The following TRDN variants were observed in gnomAD, a reference collection of about 807,000 sequenced individuals.
The protein encoded by TRDN is triadin, also known as triadin in skeletal muscle.
In TRDN, 161 loss-of-function variants were observed where a neutral mutation model predicts 149.7. The observed-to-expected ratio is 1.08, with a 90% CI of 0.95 to 1.23. The LOEUF (loss-of-function observed/expected upper bound fraction) is 1.23. Ranked by LOEUF, TRDN falls within the 50% of genes most tolerant of loss-of-function variation. TRDN has a pLI of 0.00. For missense variants in TRDN, 896 were observed against 823.5 expected (o/e 1.09, Z -1.08); for synonymous variants, 294 against 250.5 (o/e 1.17, Z -1.64).
intron 12 of TRDN, among the ~76,000 whole-genome samples, chr6:123,431,163 G>T (rs74435119): frequency 6.6e-5 from 10 of 152,182 alleles, no homozygotes; most frequent in Non-Finnish European, 1.3e-4. Context: ...TCATCTGAAC[G>T]CAGATTTACA....
chr6:123,325,594 A>G (rs1779414708), intron 23 of TRDN, among the ~76,000 whole-genome samples: 3 of 152,102 alleles, frequency 2.0e-5, no homozygotes, highest in Admixed American at 2.0e-4. Flanking sequence ...TATCAGTTTC[A>G]AAAGACAAAA....
At chr6:123,601,034 C>T (rs907578192) in intron 1 of TRDN, among the ~76,000 whole-genome samples, 13 of 151,942 alleles carry the variant, frequency 8.6e-5, no homozygotes, top group African/African-American at 9.7e-5. Flanking sequence ...CTACCTAATT[C>T]CTTATTTTTT....
chr6:123,416,618 T>C (rs933839781), intron 12 of TRDN, among the ~76,000 whole-genome samples: 1 of 152,204 alleles, frequency 6.6e-6, no homozygotes, highest in Non-Finnish European at 1.5e-5. Context: ...ACATGCCCTT[T>C]ATGATTTGTC....
intron 2 of TRDN, among the ~76,000 whole-genome samples, chr6:123,559,008 C>T (rs894078332): frequency 5.3e-5 from 8 of 152,300 alleles, no homozygotes; most frequent in East Asian, 1.9e-4. Flanking sequence ...CACTGGAAAT[C>T]GGACTCACCC....
intron 1 of TRDN, among the ~76,000 whole-genome samples, chr6:123,628,859 T>C (rs1785814229): frequency 6.6e-6 from 1 of 152,092 alleles, no homozygotes; most frequent in Admixed American, 6.6e-5. Context: ...TGGCATGACA[T>C]ACTGCTTCAT....
At chr6:123,301,297 AG>A (rs1490060581) in intron 24 of TRDN, among the ~76,000 whole-genome samples, 1 of 152,046 alleles carries the variant, frequency 6.6e-6, no homozygotes, top group Non-Finnish European at 1.5e-5. Flanking sequence ...ACTGCTTTAA[AG>A]GTTAAATTGA....
At chr6:123,453,930 T>A (rs1246862790) in intron 10 of TRDN, among the ~76,000 whole-genome samples, 1 of 151,824 alleles carries the variant, frequency 6.6e-6, no homozygotes, top group African/African-American at 2.4e-5. Context: ...TATATATACA[T>A]GATGGAATAC....
intron 7 of TRDN, among the ~76,000 whole-genome samples, chr6:123,511,096 G>GTAGTTTCA (rs1290760752): frequency 6.6e-6 from 1 of 152,138 alleles, no homozygotes; most frequent in Non-Finnish European, 1.5e-5. Flanking sequence ...TTTTCTTCAA[G>GTAGTTTCA]TAGTTTCATA....
chr6:123,392,802 AT>A (rs1270082997), intron 13 of TRDN, among the ~76,000 whole-genome samples: 1 of 151,916 alleles, frequency 6.6e-6, no homozygotes, highest in African/African-American at 2.4e-5. Context: ...CAAGAGAAAA[AT>A]TTTGCTCAGA....
intron 32 of TRDN, 112 bp from the exon 33 acceptor site, chr6:123,265,450 A>G: frequency 1.6e-6 from 1 of 623,432 alleles, no homozygotes; most frequent in Non-Finnish European, 2.6e-6. Context: ...AAATAAGACT[A>G]AACTTATATC....
At chr6:123,430,695 G>T (rs971549237) in intron 12 of TRDN, among the ~76,000 whole-genome samples, 1 of 152,044 alleles carries the variant, frequency 6.6e-6, no homozygotes, top group African/African-American at 2.4e-5. Flanking sequence ...GCATTAAAAA[G>T]ATTAAAAATA....
chr6:123,494,757 G>A (rs563092754), intron 9 of TRDN, among the ~76,000 whole-genome samples: 1 of 152,082 alleles, frequency 6.6e-6, no homozygotes, highest in East Asian at 1.9e-4. Context: ...TTTTTGAGAT[G>A]GAGTCTTGCT....
At chr6:123,435,338 A>G (rs779833043) in intron 12 of TRDN, among the ~76,000 whole-genome samples, 7 of 151,982 alleles carry the variant, frequency 4.6e-5, no homozygotes, top group Admixed American at 1.3e-4. Flanking sequence ...GTTATTCTCA[A>G]TTTCTCTCAT....
chr6:123,494,455 G>A (rs994286962), intron 9 of TRDN, among the ~76,000 whole-genome samples: 5 of 151,962 alleles, frequency 3.3e-5, no homozygotes, highest in African/African-American at 1.2e-4. Flanking sequence ...GACTTTCTTA[G>A]GAATTATATT....
At chr6:123,608,578 T>C (rs187585877) in intron 1 of TRDN, among the ~76,000 whole-genome samples, 58 of 152,250 alleles carry the variant, frequency 3.8e-4, no homozygotes, top group Admixed American at 1.5e-3. Context: ...AAAGAAACAA[T>C]ATTGAACAAT....
intron 38 of TRDN, among the ~76,000 whole-genome samples, chr6:123,250,274 T>C (rs1414086546): frequency 1.3e-5 from 2 of 151,974 alleles, no homozygotes; most frequent in East Asian, 3.9e-4. Flanking sequence ...GTGCAGGCAC[T>C]AGAGTGGAGT....
intron 1 of TRDN, among the ~76,000 whole-genome samples, chr6:123,589,128 T>C (rs1783659714): frequency 6.6e-6 from 1 of 152,198 alleles, no homozygotes; most frequent in Non-Finnish European, 1.5e-5. Context: ...TGCAGTAAGA[T>C]AAGCCATTCC....
chr6:123,512,303 C>G lies in TRDN; in HGVS notation c.610G>C (p.Glu204Gln). ...EKPETKTLAK[E>Q]QKKAKTAEKS... ...TGGAAATAATAAATTGAAAAGTTAC[C>G]TTTCGCCAGTGTCTTTGTTTCTGGT... Residue 204 changes from glutamate to glutamine, a missense_variant and splice_region_variant, in exon 7 of 41, where the codon GAA becomes CAA. Coordinates refer to ENST00000334268, the MANE Select transcript of TRDN (RefSeq NM_006073.4). 6.9e-7 allele frequency: 1 copy of G among 1,457,064 alleles called. No individual in the cohort carries two copies. The allele number at this position is 1,457,064 out of a possible 1,614,324, so 90.3% of individuals were successfully genotyped here.
At position 123,266,242 on chromosome 6, in the gene TRDN, TTATAA is replaced by T. The variant is rs1562237216; in HGVS notation, c.1784-909_1784-905del. Among the ~76,000 whole-genome samples, 54 of 29,384 alleles carry T rather than the reference TTATAA, an allele frequency of 1.8e-3. 2 individuals are homozygous for T. Among genetic ancestry groups the T allele is most frequent in the East Asian group, 2.9e-3 (2 of 700 alleles). The allele number at this position is 29,384 out of a possible 152,430, so 19.3% of individuals were successfully genotyped here. On this transcript the variant is annotated intron_variant, in intron 32 of 40. Transcript: ENST00000334268. ...TAATATGTATTATATATTATATATA[TTATAA>T]TATATATTATATATTATATATAGTA... is the stretch of plus-strand genomic sequence containing the variant.
Sources: allele counts gnomAD v4.1 joint callset (sites outside exome capture counted in the v4.1 genomes callset), GRCh38; gene constraint gnomAD v4.1.1; transcripts MANE v1.5; gene names NCBI Gene and HGNC (gene_info 2026-07-23, HGNC 2026-07-21).